Variants in ZNF407 observed in about 807,000 individuals in gnomAD.
The protein encoded by ZNF407 is zinc finger protein 407.
A neutral mutation model predicts 131.2 loss-of-function variants in ZNF407; 17 were observed. That is an observed-to-expected ratio of 0.13 (90% CI 0.09 to 0.19). The LOEUF is 0.19. Among genes scored for constraint, ZNF407 ranks in the 10% least tolerant of loss-of-function variants. ZNF407 has a pLI of 1.00. For missense variants in ZNF407, 2,681 were observed against 2,830.6 expected (o/e 0.95, Z 1.20); for synonymous variants, 1,156 against 1,062.0 (o/e 1.09, Z -1.72).
chr18:74,909,001 G>A (rs1036506810), intron 7 of ZNF407, among the ~76,000 whole-genome samples: 2 of 151,262 alleles, frequency 1.3e-5, no homozygotes, highest in Non-Finnish European at 2.9e-5. Context: ...ATGCATTTTG[G>A]AATCATATTA....
intron 3 of ZNF407, among the ~76,000 whole-genome samples, chr18:74,655,664 A>C (rs900299710): frequency 1.3e-5 from 2 of 152,116 alleles, no homozygotes; most frequent in African/African-American, 2.4e-5. Flanking sequence ...ACTACTATGT[A>C]ATTTGTCTAT....
intron 3 of ZNF407, among the ~76,000 whole-genome samples, chr18:74,656,196 C>T (rs1278597560): frequency 3.3e-5 from 5 of 152,136 alleles, no homozygotes; most frequent in South Asian, 2.1e-4. Flanking sequence ...TATTCAGATG[C>T]ATCTTTGTGA....
intron 8 of ZNF407, among the ~76,000 whole-genome samples, chr18:74,941,130 T>C (rs904520156): frequency 6.6e-6 from 1 of 152,120 alleles, no homozygotes; most frequent in Non-Finnish European, 1.5e-5. Context: ...ACTGCTTGAC[T>C]CAAGACTTTC....
chr18:74,865,711 A>G (rs1971001070), intron 4 of ZNF407, among the ~76,000 whole-genome samples: 1 of 152,374 alleles, frequency 6.6e-6, no homozygotes, highest in South Asian at 2.1e-4. Context: ...CTTAGAATAT[A>G]TGAGAAGTAG....
At chr18:74,754,660 C>T (rs751350456) in intron 3 of ZNF407, among the ~76,000 whole-genome samples, 18 of 151,986 alleles carry the variant, frequency 1.2e-4, no homozygotes, top group African/African-American at 3.6e-4. Flanking sequence ...TGTGTGGTTT[C>T]GAGTGTGTTT....
chr18:74,944,082 G>T (rs1300880151), intron 8 of ZNF407, among the ~76,000 whole-genome samples: 2 of 152,038 alleles, frequency 1.3e-5, no homozygotes, highest in Admixed American at 1.3e-4. Flanking sequence ...ATTATACGAG[G>T]CGCCTGTAGA....
chr18:74,865,470 T>C (rs1970997916), intron 4 of ZNF407, among the ~76,000 whole-genome samples: 1 of 152,226 alleles, frequency 6.6e-6, no homozygotes, highest in Non-Finnish European at 1.5e-5. Flanking sequence ...AACACTATAC[T>C]TAATGCCAAA....
At chr18:74,701,195 T>C (rs753445602) in intron 3 of ZNF407, among the ~76,000 whole-genome samples, 9 of 152,124 alleles carry the variant, frequency 5.9e-5, no homozygotes, top group Non-Finnish European at 1.3e-4. Flanking sequence ...AGTGTTAGCT[T>C]CTGTTGTCTG....
At chr18:75,060,499 C>CT (rs1304246352) in intron 8 of ZNF407, among the ~76,000 whole-genome samples, 9 of 68,978 alleles carry the variant, frequency 1.3e-4, no homozygotes, top group Admixed American at 6.9e-4. Flanking sequence ...TCTTTTTTTT[C>CT]TTTTTTTCTT....
At chr18:74,956,399 T>C (rs1373333193) in intron 8 of ZNF407, among the ~76,000 whole-genome samples, 1 of 152,010 alleles carries the variant, frequency 6.6e-6, no homozygotes, top group African/African-American at 2.4e-5. Context: ...GTTTTATTGG[T>C]TTATATAAAA....
intron 4 of ZNF407, among the ~76,000 whole-genome samples, chr18:74,829,813 T>TG (rs912729656): frequency 6.7e-5 from 10 of 150,078 alleles, no homozygotes; most frequent in Admixed American, 6.0e-4. Flanking sequence ...TAAGAGAGCC[T>TG]GTTTTTTTTT....
intron 1 of ZNF407, among the ~76,000 whole-genome samples, chr18:74,628,746 TA>T (rs1983914427): frequency 6.6e-6 from 1 of 152,016 alleles, no homozygotes; most frequent in South Asian, 2.1e-4. Flanking sequence ...TAATTTTTAT[TA>T]TTTTTTTATT....
intron 4 of ZNF407, among the ~76,000 whole-genome samples, chr18:74,839,454 C>T (rs1970602009): frequency 6.6e-6 from 1 of 152,150 alleles, no homozygotes; most frequent in South Asian, 2.1e-4. Flanking sequence ...ATTTTTTCTT[C>T]CTTATGGAAA....
At chr18:75,029,901 C>T (rs1474006975) in intron 8 of ZNF407, among the ~76,000 whole-genome samples, 1 of 152,212 alleles carries the variant, frequency 6.6e-6, no homozygotes. Context: ...GCAACAGAGG[C>T]TGCTTCGCTT....
chr18:74,753,160 T>G (rs1968847392), intron 3 of ZNF407, among the ~76,000 whole-genome samples: 1 of 152,210 alleles, frequency 6.6e-6, no homozygotes, highest in African/African-American at 2.4e-5. Context: ...GAATGGGAGT[T>G]CACTCATGAT....
chr18:74,763,187 TC>T (rs1969136568), intron 3 of ZNF407, among the ~76,000 whole-genome samples: 2 of 147,474 alleles, frequency 1.4e-5, no homozygotes, highest in African/African-American at 5.1e-5. Flanking sequence ...TTGAGCATCT[TC>T]TTAGGACCTT....
At chr18:74,777,498 T>G (rs1266071580) in intron 3 of ZNF407, among the ~76,000 whole-genome samples, 2 of 152,180 alleles carry the variant, frequency 1.3e-5, no homozygotes, top group Admixed American at 6.5e-5. Flanking sequence ...GTAGGCTTCC[T>G]CATGAACATG....
At chr18:74,820,863 G>A (rs1970330683) in intron 4 of ZNF407, among the ~76,000 whole-genome samples, 2 of 152,120 alleles carry the variant, frequency 1.3e-5, no homozygotes, top group African/African-American at 4.8e-5. Context: ...GGAAACTAGG[G>A]ATGGTAAATC....
intron 8 of ZNF407, among the ~76,000 whole-genome samples, chr18:74,923,221 G>A (rs1971869570): frequency 6.6e-6 from 1 of 151,282 alleles, no homozygotes; most frequent in Non-Finnish European, 1.5e-5. Flanking sequence ...AGACAAAAGT[G>A]GTTTCTTTAT....
Sources: gnomAD v4.1 joint callset for allele counts (sites outside exome capture counted in the v4.1 genomes callset) on GRCh38, gnomAD v4.1.1 for gene constraint, MANE v1.5 for transcripts, NCBI Gene and HGNC (gene_info 2026-07-23, HGNC 2026-07-21) for gene names.